SYT1: variants seen among roughly 807,000 people sequenced by gnomAD.
SYT1 encodes the protein synaptotagmin 1.
SYT1 carries 8 observed loss-of-function variants against 44.8 expected under a neutral mutation model. That is an observed-to-expected ratio of 0.18 (90% CI 0.10 to 0.32). SYT1 has a LOEUF of 0.32. Ranked by LOEUF, SYT1 falls within the 10% of genes least tolerant of loss-of-function variation. The pLI, the probability that SYT1 is intolerant of heterozygous loss-of-function variation, is 1.00. For missense variants in SYT1, 286 were observed against 509.3 expected, an observed-to-expected ratio of 0.56 and a Z score of 4.22; for synonymous variants, 154 against 188.8, an observed-to-expected ratio of 0.82 and a Z score of 1.51.
intron 10 of SYT1, among the ~76,000 whole-genome samples, chr12:79,444,865 C>T (rs1024069003): frequency 1.3e-5 from 2 of 152,058 alleles, no homozygotes; most frequent in Non-Finnish European, 2.9e-5. Flanking sequence ...GCAATCTTAT[C>T]ATTTAGGGGT....
chr12:79,095,034 G>A (rs999484645), intron 3 of SYT1, among the ~76,000 whole-genome samples: 1 of 151,830 alleles, frequency 6.6e-6, no homozygotes. Context: ...CTTTTGGTAG[G>A]CCACCCATAC....
Position 78,993,020 on chromosome 12 carries a change from AT to A in SYT1, c.-84+15096del, listed in dbSNP as rs900211526. 8.4e-4 allele frequency among the ~76,000 whole-genome samples: 128 copies of A among 152,122 alleles called. 8 individuals are homozygous for A. Among genetic ancestry groups the A allele is most frequent in the Admixed American group, 1.4e-3 (21 of 15,252 alleles). ...CAAACTTTTACACTTGCTCTTTGGC[AT>A]TTTTTTGTCAGCAACAAGATGGCAA... is the stretch of plus-strand genomic sequence containing the variant. On this transcript the variant is annotated intron_variant, in intron 2 of 10. Transcript: ENST00000261205.
intron 1 of SYT1, among the ~76,000 whole-genome samples, chr12:78,890,941 A>G (rs1217284777): frequency 6.6e-6 from 1 of 151,914 alleles, no homozygotes; most frequent in Non-Finnish European, 1.5e-5. Flanking sequence ...TATGCTCCTA[A>G]CATGCACCTC....
At chr12:79,066,734 A>T (rs1375423627) in intron 3 of SYT1, among the ~76,000 whole-genome samples, 2 of 152,192 alleles carry the variant, frequency 1.3e-5, no homozygotes, top group Non-Finnish European at 2.9e-5. Context: ...TGCTTAAAAA[A>T]ACAGAAATGG....
intron 3 of SYT1, among the ~76,000 whole-genome samples, chr12:79,065,839 T>C (rs1875804485): frequency 6.6e-6 from 1 of 152,142 alleles, no homozygotes; most frequent in Non-Finnish European, 1.5e-5. Context: ...TTTTCCTTCT[T>C]TTCACTATCT....
At chr12:79,260,574 G>T (rs552710380) in intron 4 of SYT1, among the ~76,000 whole-genome samples, 38 of 152,198 alleles carry the variant, frequency 2.5e-4, no homozygotes, top group African/African-American at 8.4e-4. Flanking sequence ...TTGTGCTTTG[G>T]TTGATAGGAA....
rs1448679372 is a variant in SYT1, at chr12:79,367,979, G to T, written c.928+14360G>T. Among the ~76,000 whole-genome samples the T allele has an allele frequency of 2.0e-5, 3 of 151,650 alleles. No homozygotes were observed. The East Asian group carries it at 5.9e-4, about 30-fold the overall frequency. On this transcript the variant is annotated intron_variant, in intron 9 of 10. Coordinates refer to ENST00000261205, the MANE Select transcript of SYT1 (RefSeq NM_005639.3). The stretch of plus-strand genomic sequence containing the variant: ...GCAGGTTAGTTACATATGTATACAT[G>T]TGCCATGCTGGTGTGCTGCACCCAT...
chr12:79,435,645 C>G (rs916055978), intron 9 of SYT1, among the ~76,000 whole-genome samples: 2 of 152,118 alleles, frequency 1.3e-5, no homozygotes, highest in African/African-American at 4.8e-5. Flanking sequence ...GATGCTTCAC[C>G]ACCCTCCCAT....
intron 3 of SYT1, among the ~76,000 whole-genome samples, chr12:79,087,419 T>C (rs1877456311): frequency 6.6e-6 from 1 of 152,188 alleles, no homozygotes; most frequent in Admixed American, 6.6e-5. Flanking sequence ...TCATTTATGT[T>C]AATATTATAT....
chr12:79,231,708 TG>T (rs1468934486), intron 4 of SYT1, among the ~76,000 whole-genome samples: 3 of 152,188 alleles, frequency 2.0e-5, no homozygotes, highest in Non-Finnish European at 4.4e-5. Context: ...AATTATTTAA[TG>T]TAAAATGTAA....
intron 5 of SYT1, among the ~76,000 whole-genome samples, chr12:79,287,773 G>T (rs1678516263): frequency 6.6e-6 from 1 of 152,000 alleles, no homozygotes; most frequent in Non-Finnish European, 1.5e-5. Context: ...TTATGACCTG[G>T]ATAAATGACC....
intron 8 of SYT1, among the ~76,000 whole-genome samples, chr12:79,320,853 C>A (rs750482060): frequency 5.3e-5 from 8 of 151,792 alleles, no homozygotes; most frequent in Non-Finnish European, 1.2e-4. Flanking sequence ...TATCTCTTGG[C>A]CTCGTGATCG....
chr12:79,281,141 C>T (rs1879031652), intron 4 of SYT1, among the ~76,000 whole-genome samples: 1 of 152,010 alleles, frequency 6.6e-6, no homozygotes, highest in Non-Finnish European at 1.5e-5. Context: ...CCAGCAATCC[C>T]ACTAATGGAT....
At chr12:79,247,002 T>C (rs1327662171) in intron 4 of SYT1, among the ~76,000 whole-genome samples, 3 of 152,178 alleles carry the variant, frequency 2.0e-5, no homozygotes, top group Admixed American at 6.5e-5. Context: ...GAAGTAAAGA[T>C]GTACAGTTGC....
At chr12:79,213,235 C>G (rs1038578666) in intron 3 of SYT1, among the ~76,000 whole-genome samples, 1 of 152,148 alleles carries the variant, frequency 6.6e-6, no homozygotes, top group Admixed American at 6.5e-5. Flanking sequence ...TCTAGGCAGA[C>G]AGAGTGTATA....
chr12:79,143,945 G>T (rs879506187), intron 3 of SYT1, among the ~76,000 whole-genome samples: 2 of 152,108 alleles, frequency 1.3e-5, no homozygotes, highest in East Asian at 3.9e-4. Context: ...TGGGAGATGC[G>T]GTCCTCTGCT....
At chr12:78,996,911 A>G (rs897018771) in intron 2 of SYT1, among the ~76,000 whole-genome samples, 15 of 152,194 alleles carry the variant, frequency 9.9e-5, no homozygotes. Context: ...TTTGAATGGT[A>G]AGTCATAGAA....
intron 3 of SYT1, among the ~76,000 whole-genome samples, chr12:79,212,038 A>G (rs1307740808): frequency 6.6e-6 from 1 of 152,194 alleles, no homozygotes; most frequent in Non-Finnish European, 1.5e-5. Flanking sequence ...GTCAGGAGGT[A>G]GAGGAGTTTG....
chr12:78,919,962 T>TAATG (rs1876885903), intron 1 of SYT1, among the ~76,000 whole-genome samples: 1 of 152,086 alleles, frequency 6.6e-6, no homozygotes, highest in Non-Finnish European at 1.5e-5. Context: ...GATTTATGTA[T>TAATG]GCATTGCCAG....
Sources: allele counts gnomAD v4.1 joint callset (sites outside exome capture counted in the v4.1 genomes callset), GRCh38; gene constraint gnomAD v4.1.1; transcripts MANE v1.5; gene names NCBI Gene and HGNC (gene_info 2026-07-23, HGNC 2026-07-21).